Variants in WASF3 observed in about 807,000 individuals in gnomAD.
WASF3 encodes the protein actin-binding protein WASF3.
A neutral mutation model predicts 46.6 loss-of-function variants in WASF3; 11 were observed. The observed-to-expected ratio is 0.24, with a 90% CI of 0.15 to 0.39. The LOEUF is 0.39. Among genes scored for constraint, WASF3 ranks in the 10% least tolerant of loss-of-function variants. The pLI is 1.00. For missense variants in WASF3, 576 were observed against 669.8 expected, an observed-to-expected ratio of 0.86 and a Z score of 1.55; for synonymous variants, 242 against 259.7, an observed-to-expected ratio of 0.93 and a Z score of 0.65.
Position 26,682,543 on chromosome 13 carries a change from A to C in WASF3, c.984-64A>C. On this transcript the variant is annotated intron_variant, in intron 8 of 9. Transcript: ENST00000335327. This position sits in a 1 kb window ranked among gnomAD's most constrained non-coding sequence, Gnocchi z 4.4. ...TGGGGATGGCTCCGTTAGGTGTCTA[A>C]GAGCTCCCAGGACGTGACCCTCTCT... The C allele has an allele frequency of 1.9e-6, 3 of 1,602,658 alleles. No homozygotes were observed. The highest frequency in any genetic ancestry group is 1.7e-6 in the Non-Finnish European group (2 of 1,174,494).
chr13:26,627,307 G>T (rs79211119), intron 2 of WASF3, among the ~76,000 whole-genome samples: 2 of 151,964 alleles, frequency 1.3e-5, no homozygotes, highest in East Asian at 3.9e-4. Context: ...TCAACAACCT[G>T]TAAGGCAGGC....
chr13:26,634,982 G>A (rs949195738), intron 2 of WASF3, among the ~76,000 whole-genome samples: 6 of 151,364 alleles, frequency 4.0e-5, no homozygotes, highest in Admixed American at 1.3e-4. Context: ...TGCTTTTCTC[G>A]AGGAGTATCT....
chr13:26,558,907 A>C (rs1879192645), intron 1 of WASF3, among the ~76,000 whole-genome samples: 1 of 152,252 alleles, frequency 6.6e-6, no homozygotes, highest in African/African-American at 2.4e-5. Flanking sequence ...CTTAAAAATT[A>C]GGTTTATCTA....
chr13:26,558,028 C>A (rs1040175152), intron 1 of WASF3, among the ~76,000 whole-genome samples: 1 of 151,504 alleles, frequency 6.6e-6, no homozygotes, highest in Admixed American at 6.6e-5. Flanking sequence ...TTCTCCCGGC[C>A]GGCTCCCGCG....
intron 1 of WASF3, among the ~76,000 whole-genome samples, chr13:26,601,826 A>T (rs1411560690): frequency 6.6e-6 from 1 of 152,178 alleles, no homozygotes; most frequent in Admixed American, 6.5e-5. Context: ...CTGCCACCTA[A>T]CCTCAAAGAA....
chr13:26,660,194 G>GTTTT (rs71080285), intron 3 of WASF3, among the ~76,000 whole-genome samples: 18 of 43,378 alleles, frequency 4.1e-4, no homozygotes, highest in African/African-American at 1.0e-3. Context: ...TTTTTGTTTG[G>GTTTT]TTTTTTTTTT....
chr13:26,636,161 C>A (rs1356695688), intron 2 of WASF3, among the ~76,000 whole-genome samples: 1 of 152,244 alleles, frequency 6.6e-6, no homozygotes, highest in Non-Finnish European at 1.5e-5. Context: ...CTGTGGTGGG[C>A]TCCGCCCAGT....
chr13:26,554,028 T>TC (rs1207612354), upstream of WASF3, among the ~76,000 whole-genome samples: 1 of 92,458 alleles, frequency 1.1e-5, no homozygotes, highest in African/African-American at 4.2e-5. Flanking sequence ...CTTCCTTCCT[T>TC]CTTTCTCTTT....
chr13:26,565,842 T>C (rs971629688), intron 1 of WASF3, among the ~76,000 whole-genome samples: 1 of 152,088 alleles, frequency 6.6e-6, no homozygotes, highest in African/African-American at 2.4e-5. Flanking sequence ...AATTGAAATC[T>C]TTATAGCGTC....
At chr13:26,591,350 T>C (rs1880287544) in intron 1 of WASF3, among the ~76,000 whole-genome samples, 1 of 152,028 alleles carries the variant, frequency 6.6e-6, no homozygotes. Flanking sequence ...AAACAGTCTG[T>C]TGGGGAACAG....
intron 1 of WASF3, among the ~76,000 whole-genome samples, chr13:26,576,098 A>G (rs1211293394): frequency 6.6e-6 from 1 of 152,090 alleles, no homozygotes; most frequent in Non-Finnish European, 1.5e-5. Flanking sequence ...AATTATATAA[A>G]TATTTGACCC....
intron 1 of WASF3, among the ~76,000 whole-genome samples, chr13:26,575,949 G>A (rs1879784322): frequency 6.6e-6 from 1 of 152,010 alleles, no homozygotes; most frequent in Admixed American, 6.6e-5. Context: ...TCCCCAGTTG[G>A]CTCTTAAAAT....
intron 2 of WASF3, chr13:26,622,849 G>C (rs1200640675): frequency 3.3e-5 from 5 of 152,084 alleles, no homozygotes; most frequent in Non-Finnish European, 7.4e-5. Context: ...CTTAACAAAA[G>C]AAGAAGCTGA....
intron 1 of WASF3, among the ~76,000 whole-genome samples, chr13:26,582,555 T>C (rs1336833565): frequency 1.3e-5 from 2 of 151,386 alleles, no homozygotes; most frequent in Non-Finnish European, 2.9e-5. Flanking sequence ...TGTGCACCTG[T>C]AGTCCCAGTT....
chr13:26,635,759 G>T (rs1178542477), intron 2 of WASF3, among the ~76,000 whole-genome samples: 3 of 152,206 alleles, frequency 2.0e-5, no homozygotes, highest in Non-Finnish European at 4.4e-5. Flanking sequence ...TCAGCTGCAG[G>T]TCTGTTGGAG....
intron 2 of WASF3, among the ~76,000 whole-genome samples, chr13:26,617,289 G>A (rs949892364): frequency 6.6e-6 from 1 of 151,788 alleles, no homozygotes. Context: ...AATTGAATAT[G>A]ATAAGTGTCT....
intron 3 of WASF3, among the ~76,000 whole-genome samples, chr13:26,662,330 T>G (rs920654582): frequency 2.6e-5 from 4 of 152,186 alleles, no homozygotes; most frequent in African/African-American, 9.7e-5. Context: ...ATGGATCATT[T>G]TACCAAAAAG....
chr13:26,639,414 G>T lies in WASF3; in HGVS notation c.-10-2847G>T, dbSNP rs537897907. Among the ~76,000 whole-genome samples the T allele has an allele frequency of 5.9e-5, 9 of 152,334 alleles. No individual in the cohort carries two copies. In the South Asian group the frequency reaches 1.7e-3, roughly 28 times the overall value. On this transcript the variant is annotated intron_variant, in intron 2 of 9. Transcript: ENST00000335327. ...AATATATATGTAAATGTCTATGGCT[G>T]TACAATCAGCAAACATTTTTTGAAT...
chr13:26,614,289 A>C (rs1011112026), intron 2 of WASF3, among the ~76,000 whole-genome samples: 3 of 152,202 alleles, frequency 2.0e-5, no homozygotes, highest in African/African-American at 7.2e-5. Flanking sequence ...CTTTCACTTT[A>C]CAGGTAATTT....
Sources: allele counts gnomAD v4.1 joint callset (sites outside exome capture counted in the v4.1 genomes callset), GRCh38; gene constraint gnomAD v4.1.1; non-coding constraint Gnocchi (gnomAD v3.1); transcripts MANE v1.5; gene names NCBI Gene and HGNC (gene_info 2026-07-23, HGNC 2026-07-21).